The following FBLN1 variants were observed in gnomAD, a reference collection of about 807,000 sequenced individuals.
FBLN1 encodes the protein fibulin 1, also known as fibulin-1.
A neutral mutation model predicts 89.7 loss-of-function variants in FBLN1; 34 were observed. That is an observed-to-expected ratio of 0.38 (90% CI 0.29 to 0.50). The LOEUF (loss-of-function observed/expected upper bound fraction) is 0.50. FBLN1 is among the 20% of genes least tolerant of loss of function. The pLI is 0.92. For synonymous variants in FBLN1, 393 were observed against 391.3 expected (o/e 1.00, Z -0.05); for missense variants, 777 against 988.1 (o/e 0.79, Z 2.86).
chr22:45,559,395 T>G (rs2088826349), intron 14 of FBLN1, among the ~76,000 whole-genome samples: 1 of 152,196 alleles, frequency 6.6e-6, no homozygotes, highest in South Asian at 2.1e-4. Flanking sequence ...GTGACACTAA[T>G]CTCTGCAATC....
In FBLN1 at chr22:45,588,257, G is replaced by A. The variant is rs1245104618; in HGVS notation, c.1972+11149G>A. Among the ~76,000 whole-genome samples, 1 of 152,154 alleles carries A rather than the reference G, an allele frequency of 6.6e-6. No homozygotes were observed. The highest frequency in any genetic ancestry group is 1.5e-5 in the Non-Finnish European group (1 of 68,014). ...GAGATCTGGAGGAAGAGGGCTCCAG[G>A]CAGAGGGAATGGCAGAGTGCTGGAG... On this transcript the variant is annotated intron_variant, in intron 16 of 16. Coordinates refer to ENST00000327858, the MANE Select transcript of FBLN1 (RefSeq NM_006486.3). The surrounding 1 kb of genome is among the most constrained non-coding windows in gnomAD (Gnocchi z 5.1).
At position 45,574,850 on chromosome 22, in the gene FBLN1, C is replaced by T. The variant is rs571606075; in HGVS notation, c.1840+197C>T. ...GGGCTGGAGTGCAGTGGTGCCATCT[C>T]GGCTCACTGCAAGCTCCACCTCCCG... On this transcript the variant is annotated intron_variant, in intron 15 of 16. Transcript: ENST00000327858. This position sits in a 1 kb window ranked among gnomAD's most constrained non-coding sequence, Gnocchi z 4.1. 6.8e-5 allele frequency among the ~76,000 whole-genome samples: 10 copies of T among 146,504 alleles called. No individual in the cohort carries two copies. The highest frequency in any genetic ancestry group is 3.8e-3 in the Middle Eastern group (1 of 260).
intron 1 of FBLN1, chr22:45,517,767 C>A (rs1312887734): frequency 5.1e-6 from 2 of 390,118 alleles, no homozygotes; most frequent in East Asian, 1.5e-4. Flanking sequence ...TTATGTCCCC[C>A]CTCCTGCCCC....
In FBLN1 at chr22:45,572,115, C is replaced by T. The variant is rs181140815; in HGVS notation, c.1698-2396C>T. 7.8e-4 allele frequency among the ~76,000 whole-genome samples: 119 copies of T among 151,754 alleles called. No individual in the cohort carries two copies. Among genetic ancestry groups the T allele is most frequent in the Middle Eastern group, 3.4e-3 (1 of 294 alleles). On this transcript the variant is annotated intron_variant, in intron 14 of 16. Transcript: ENST00000327858. This position sits in a 1 kb window ranked among gnomAD's most constrained non-coding sequence, Gnocchi z 5.8. ...CAGCACTCCAGCCTGGGTGACAGAGCGAGACTCATCTCAAAAAATATATAA... is the reference window on the plus strand; with the variant it reads ...CAGCACTCCAGCCTGGGTGACAGAGTGAGACTCATCTCAAAAAATATATAA...
In FBLN1 at chr22:45,537,948, C is replaced by T. The variant is rs1050834240; in HGVS notation, c.922+2611C>T. 4.6e-5 allele frequency among the ~76,000 whole-genome samples: 7 copies of T among 152,212 alleles called. No homozygotes were observed. Among genetic ancestry groups the T allele is most frequent in the African/African-American group, 1.7e-4 (7 of 41,454 alleles). Reference sequence around the variant, plus strand: ...GGCTGGCGTCGACTGAGGATGGAAACCCTGACTCATGGCAAAATCAGCCCC... The same window carrying T: ...GGCTGGCGTCGACTGAGGATGGAAATCCTGACTCATGGCAAAATCAGCCCC... On this transcript the variant is annotated intron_variant, in intron 8 of 16. Transcript: ENST00000327858. The surrounding 1 kb of genome is among the most constrained non-coding windows in gnomAD (Gnocchi z 5.7).
chr22:45,523,871 G>C (rs145604742), intron 2 of FBLN1, among the ~76,000 whole-genome samples: 1 of 152,094 alleles, frequency 6.6e-6, no homozygotes, highest in Non-Finnish European at 1.5e-5. Flanking sequence ...TGTGCTCCAC[G>C]GCAGCTGCAC....
At chr22:45,552,493 C>T (rs6007087) in intron 14 of FBLN1, among the ~76,000 whole-genome samples, 2,001 of 152,300 alleles carry the variant, frequency 0.013, 46 homozygotes, top group South Asian at 0.04. Flanking sequence ...ATTTTACAGC[C>T]CCTTTTCCTG....
chr22:45,587,239 C>T (rs2089095173), intron 16 of FBLN1, among the ~76,000 whole-genome samples: 1 of 151,894 alleles, frequency 6.6e-6, no homozygotes, highest in African/African-American at 2.4e-5. Flanking sequence ...GTTCTAAGCC[C>T]CACTTTTCAC....
In FBLN1 at chr22:45,518,757, T is replaced by C; in HGVS notation, c.155T>C (p.Leu52Pro). ...GCCACTCATCAGAAGGACTGCTCGC[T>C]GCCATATGCTACGGAATCCAAAGAA... ...RMATHQKDCS[L>P]PYATESKECR... The change falls in exon 2 of 17, where the codon CTG (leucine) becomes CCG (proline). Residue 52 changes from leucine to proline, a missense_variant. Leu to Pro is a moderately conservative substitution (Grantham distance 98). Transcript: ENST00000327858. 1 of 1,612,200 alleles carries C rather than the reference T, an allele frequency of 6.2e-7. No individual in the cohort carries two copies. Among genetic ancestry groups the C allele is most frequent in the Non-Finnish European group, 8.5e-7 (1 of 1,179,234 alleles).
At chr22:45,568,008 C>T (rs994895629) in intron 14 of FBLN1, among the ~76,000 whole-genome samples, 1 of 152,114 alleles carries the variant, frequency 6.6e-6, no homozygotes, top group Non-Finnish European at 1.5e-5. Context: ...ACTTAGCCAC[C>T]ACAGCTCTCC....
chr22:45,515,510 G>A (rs368887084), intron 1 of FBLN1, among the ~76,000 whole-genome samples: 16 of 152,148 alleles, frequency 1.1e-4, no homozygotes, highest in African/African-American at 3.9e-4. Context: ...TTTCCAAACC[G>A]TTTCTGCAGC....
chr22:45,509,434 A>G (rs2088068539), intron 1 of FBLN1, among the ~76,000 whole-genome samples: 1 of 152,134 alleles, frequency 6.6e-6, no homozygotes, highest in Non-Finnish European at 1.5e-5. Context: ...CAGGCTCAGC[A>G]GTGGACACAG....
chr22:45,511,319 T>C (rs1250012784), intron 1 of FBLN1, among the ~76,000 whole-genome samples: 2 of 151,480 alleles, frequency 1.3e-5, no homozygotes, highest in African/African-American at 4.9e-5. Flanking sequence ...CATGCCTGGT[T>C]AATTTTGTAT....
In FBLN1 at chr22:45,600,349, C is replaced by G. The variant is rs1385609438; in HGVS notation, c.2015C>G (p.Ala672Gly). ...CGGCCCATCGTGGGCCCATTTCATG[C>G]CGTCCTGAAGCTGGAGATGAACTAT... ...QVRPIVGPFH[A>G]VLKLEMNYVV... Residue 672 changes from alanine to glycine, a missense_variant, in exon 17 of 17, where the codon GCC becomes GGC. Ala to Gly is a moderately conservative substitution (Grantham distance 60). Coordinates refer to ENST00000327858, the MANE Select transcript of FBLN1 (RefSeq NM_006486.3). 12 of 1,614,202 alleles carry G rather than the reference C, an allele frequency of 7.4e-6. No individual in the cohort carries two copies. Among genetic ancestry groups the G allele is most frequent in the Non-Finnish European group, 1.0e-5 (12 of 1,180,028 alleles).
Position 45,531,247 on chromosome 22 carries a change from G to T in FBLN1, c.485-18G>T. ...GGGTGTTTGGATAAATGTCTGACTT[G>T]GTCTTTTTCCCCCTTAGATAAGATC... On this transcript the variant is annotated intron_variant, in intron 4 of 16. Coordinates refer to ENST00000327858, the MANE Select transcript of FBLN1 (RefSeq NM_006486.3). This position sits in a 1 kb window ranked among gnomAD's most constrained non-coding sequence, Gnocchi z 4.9. 1 of 1,611,286 alleles carries T rather than the reference G, an allele frequency of 6.2e-7. No homozygotes were observed. The highest frequency in any genetic ancestry group is 1.1e-5 in the South Asian group (1 of 91,014).
chr22:45,518,650 C>A, intron 1 of FBLN1, 32 bp from the exon 2 acceptor site: 1 of 1,516,928 alleles, frequency 6.6e-7, no homozygotes, highest in East Asian at 2.4e-5. Flanking sequence ...GAGTGGTGAG[C>A]CACCTCTCAG....
At chr22:45,521,573 T>C (rs2088251175) in intron 2 of FBLN1, among the ~76,000 whole-genome samples, 1 of 152,228 alleles carries the variant, frequency 6.6e-6, no homozygotes, top group Admixed American at 6.5e-5. Context: ...TACCCTGTTC[T>C]CACTGGGGTC....
At chr22:45,509,475 G>A (rs995495883) in intron 1 of FBLN1, among the ~76,000 whole-genome samples, 3 of 152,184 alleles carry the variant, frequency 2.0e-5, no homozygotes, top group African/African-American at 7.2e-5. Context: ...GGGGCCAGGA[G>A]CCCTAAGAGC....
rs938677182 is a variant in FBLN1, at chr22:45,583,827, C to T, written c.1972+6719C>T. ...ATGAGAGAGAGAGACAGAGAGAGAC[C>T]TGTGGGACCAAAGCCTTTACTGGGG... On this transcript the variant is annotated intron_variant, in intron 16 of 16. Coordinates refer to ENST00000327858, the MANE Select transcript of FBLN1 (RefSeq NM_006486.3). The surrounding 1 kb of genome is among the most constrained non-coding windows in gnomAD (Gnocchi z 4.5). Among the ~76,000 whole-genome samples the T allele has an allele frequency of 2.0e-5, 3 of 152,104 alleles. No homozygotes were observed. Among genetic ancestry groups the T allele is most frequent in the African/African-American group, 7.2e-5 (3 of 41,404 alleles).
Sources: gnomAD v4.1 joint callset for allele counts (sites outside exome capture counted in the v4.1 genomes callset) on GRCh38, gnomAD v4.1.1 for gene constraint, Gnocchi (gnomAD v3.1) non-coding constraint, MANE v1.5 for transcripts, NCBI Gene and HGNC (gene_info 2026-07-23, HGNC 2026-07-21) for gene names.